RALYL: variants seen among roughly 807,000 people sequenced by gnomAD.
RALYL encodes RNA-binding Raly-like protein.
In RALYL, 29 loss-of-function variants were observed where a neutral mutation model predicts 35.1. The observed-to-expected ratio is 0.83, with a 90% CI of 0.61 to 1.13. RALYL has a LOEUF of 1.13. Among genes scored for constraint, RALYL ranks in the 50% most tolerant of loss-of-function variants. The probability of loss-of-function intolerance (pLI) is 0.00; values close to 1 mark genes in which losing one functional copy is unlikely to be tolerated. For missense variants in RALYL, 359 were observed against 360.4 expected, an observed-to-expected ratio of 1.00 and a Z score of 0.03; for synonymous variants, 120 against 127.6, an observed-to-expected ratio of 0.94 and a Z score of 0.40.
chr8:84,803,428 T>A (rs1440355845), intron 3 of RALYL, among the ~76,000 whole-genome samples: 2 of 152,194 alleles, frequency 1.3e-5, no homozygotes, highest in Non-Finnish European at 2.9e-5. Flanking sequence ...CCCTCCCTAG[T>A]TCTGTTTGCT....
intron 1 of RALYL, among the ~76,000 whole-genome samples, chr8:84,451,595 C>T (rs2049481258): frequency 6.6e-6 from 1 of 151,930 alleles, no homozygotes. Context: ...TTCTTAGTAG[C>T]TGATGGAAAA....
At chr8:84,610,374 A>G (rs1318435728) in intron 2 of RALYL, among the ~76,000 whole-genome samples, 2 of 152,034 alleles carry the variant, frequency 1.3e-5, no homozygotes, top group Admixed American at 6.6e-5. Flanking sequence ...TTTTCTCATG[A>G]TTAGACTGCA....
chr8:84,264,696 C>T (rs2131854051), intron 1 of RALYL, among the ~76,000 whole-genome samples: 1 of 152,206 alleles, frequency 6.6e-6, no homozygotes, highest in Non-Finnish European at 1.5e-5. Flanking sequence ...AGGTATGATT[C>T]TCTCTTCAAG....
At chr8:84,401,637 CAAAAAAAAAAAAAAAAAA>C (rs71271985) in intron 1 of RALYL, among the ~76,000 whole-genome samples, 2 of 17,404 alleles carry the variant, frequency 1.1e-4, no homozygotes, top group South Asian at 4.5e-3. Context: ...GACTCTGTCT[CAAAAAAAAAAAAAAAAAA>C]AAAAAAAAAA....
intron 1 of RALYL, among the ~76,000 whole-genome samples, chr8:84,495,648 C>T (rs2055916658): frequency 6.6e-6 from 1 of 152,106 alleles, no homozygotes; most frequent in Non-Finnish European, 1.5e-5. Flanking sequence ...TTAACTATCT[C>T]ATTGACCTTT....
chr8:84,460,545 A>C (rs2050646319), intron 1 of RALYL, among the ~76,000 whole-genome samples: 1 of 151,728 alleles, frequency 6.6e-6, no homozygotes, highest in African/African-American at 2.4e-5. Context: ...GGTTAATTAA[A>C]AAAGAAAAAC....
At chr8:84,434,522 G>T (rs964987922) in intron 1 of RALYL, among the ~76,000 whole-genome samples, 1 of 152,122 alleles carries the variant, frequency 6.6e-6, no homozygotes, top group African/African-American at 2.4e-5. Flanking sequence ...ACCAGAACAT[G>T]CTGCACACTG....
At chr8:84,383,002 A>T (rs16912772) in intron 1 of RALYL, among the ~76,000 whole-genome samples, 4,298 of 151,886 alleles carry the variant, frequency 0.028, 197 homozygotes, top group African/African-American at 0.098. Context: ...GGTTAATCTT[A>T]TAGTCATTAT....
chr8:84,422,659 C>A (rs2045799793), intron 1 of RALYL, among the ~76,000 whole-genome samples: 1 of 144,020 alleles, frequency 6.9e-6, no homozygotes, highest in Non-Finnish European at 1.5e-5. Context: ...AGTTTTGGAT[C>A]TTTCCTGCTT....
At chr8:84,334,150 C>T (rs977115869) in intron 1 of RALYL, among the ~76,000 whole-genome samples, 1 of 152,120 alleles carries the variant, frequency 6.6e-6, no homozygotes, top group Non-Finnish European at 1.5e-5. Flanking sequence ...TCCCCAAGTG[C>T]TGGGATTATA....
rs532807508 is a variant in RALYL, at chr8:84,436,843, C to T, written c.-23-92456C>T. On this transcript the variant is annotated intron_variant, in intron 1 of 8. Coordinates refer to ENST00000521268, the MANE Select transcript of RALYL (RefSeq NM_173848.7). ...GTAAGGACATTTAACATAAGATCTA[C>T]CCTCTAAACAATTTATTTATTTATT... is the stretch of plus-strand genomic sequence containing the variant. 1.2e-3 allele frequency among the ~76,000 whole-genome samples: 177 copies of T among 151,462 alleles called. 3 individuals are homozygous for T. The highest frequency in any genetic ancestry group is 4.2e-3 in the African/African-American group (173 of 41,366).
intron 1 of RALYL, among the ~76,000 whole-genome samples, chr8:84,506,413 G>A (rs551367461): frequency 1.3e-5 from 2 of 151,652 alleles, no homozygotes; most frequent in Non-Finnish European, 2.9e-5. Flanking sequence ...ATAGAAAAAT[G>A]AAGTTCTTCT....
intron 1 of RALYL, among the ~76,000 whole-genome samples, chr8:84,358,125 C>T (rs1272120303): frequency 2.0e-5 from 3 of 151,710 alleles, no homozygotes; most frequent in Non-Finnish European, 2.9e-5. Context: ...AAGTAGAAAA[C>T]AGAAATAGAT....
intron 1 of RALYL, among the ~76,000 whole-genome samples, chr8:84,382,230 T>TAAA (rs559887402): frequency 2.9e-5 from 4 of 136,424 alleles, no homozygotes; most frequent in Non-Finnish European, 4.8e-5. Context: ...GCATTAGAAT[T>TAAA]AAAAAAAAAA....
intron 1 of RALYL, among the ~76,000 whole-genome samples, chr8:84,213,417 A>G (rs1820005019): frequency 6.6e-6 from 1 of 152,186 alleles, no homozygotes; most frequent in South Asian, 2.1e-4. Flanking sequence ...ATAAATGAAT[A>G]AATTTTTAAA....
At chr8:84,216,747 C>T (rs1370279284) in intron 1 of RALYL, among the ~76,000 whole-genome samples, 1 of 152,082 alleles carries the variant, frequency 6.6e-6, no homozygotes, top group Non-Finnish European at 1.5e-5. Context: ...AATGTGACTA[C>T]TGTGACTAAA....
chr8:84,877,047 ACATT>A (rs1332425051), intron 7 of RALYL, among the ~76,000 whole-genome samples: 1 of 152,162 alleles, frequency 6.6e-6, no homozygotes, highest in African/African-American at 2.4e-5. Context: ...GTCCCTGTTC[ACATT>A]CATGTCTGAG....
At chr8:84,679,665 A>G (rs1226109177) in intron 2 of RALYL, 1 of 499,656 alleles carries the variant, frequency 2.0e-6, no homozygotes, top group Non-Finnish European at 4.1e-6. Context: ...AATGAAGTAC[A>G]GAGAAAAATG....
rs531728255 is a variant in RALYL at position 84,450,099 on chromosome 8, A to T, written c.-23-79200A>T. Among the ~76,000 whole-genome samples the T allele has an allele frequency of 2.1e-4, 32 of 151,982 alleles. No homozygotes were observed. The South Asian group carries it at 6.2e-3, about 30-fold the overall frequency. ...GTTCTATAATTATTTTAATTTTTAC[A>T]TATAATTAAAATTTATAGATATTGC... On this transcript the variant is annotated intron_variant, in intron 1 of 8. Coordinates refer to ENST00000521268, the MANE Select transcript of RALYL (RefSeq NM_173848.7).
Sources: allele counts gnomAD v4.1 joint callset (sites outside exome capture counted in the v4.1 genomes callset), GRCh38; gene constraint gnomAD v4.1.1; transcripts MANE v1.5; gene names NCBI Gene and HGNC (gene_info 2026-07-23, HGNC 2026-07-21).